The following CFAP299 variants were observed in gnomAD, a reference collection of about 807,000 sequenced individuals.
The protein encoded by CFAP299 is cilia and flagella associated protein 299.
In CFAP299, 21 loss-of-function variants were observed where a neutral mutation model predicts 27.0. That is an observed-to-expected ratio of 0.78 (90% CI 0.55 to 1.12). The LOEUF (loss-of-function observed/expected upper bound fraction) is 1.12. CFAP299 is among the 50% of genes most tolerant of loss of function. The probability of loss-of-function intolerance (pLI) is 0.00; values close to 1 mark genes in which losing one functional copy is unlikely to be tolerated. For synonymous variants in CFAP299, 104 were observed against 98.1 expected (o/e 1.06, Z -0.36); for missense variants, 310 against 276.6 (o/e 1.12, Z -0.86).
chr4:80,560,201 C>A (rs1256192237), intron 2 of CFAP299, among the ~76,000 whole-genome samples: 1 of 152,046 alleles, frequency 6.6e-6, no homozygotes, highest in Non-Finnish European at 1.5e-5. Context: ...AACTTCTAGA[C>A]ACACCCTGGG....
intron 2 of CFAP299, among the ~76,000 whole-genome samples, chr4:80,529,131 T>C (rs2110184810): frequency 6.6e-6 from 1 of 152,280 alleles, no homozygotes; most frequent in East Asian, 1.9e-4. Context: ...TGTGATATGA[T>C]AGCAGCTTTC....
intron 2 of CFAP299, among the ~76,000 whole-genome samples, chr4:80,495,417 A>G (rs1731384648): frequency 6.6e-6 from 1 of 152,170 alleles, no homozygotes; most frequent in Admixed American, 6.5e-5. Context: ...GTAAAAAAAG[A>G]ATTATATGTA....
intron 3 of CFAP299, among the ~76,000 whole-genome samples, chr4:80,664,402 A>T (rs912535980): frequency 6.6e-6 from 1 of 152,004 alleles, no homozygotes; most frequent in Non-Finnish European, 1.5e-5. Context: ...TAAGCCCATG[A>T]CTGGGGTTGC....
At chr4:80,418,065 A>C (rs964222119) in intron 2 of CFAP299, among the ~76,000 whole-genome samples, 23 of 152,218 alleles carry the variant, frequency 1.5e-4, no homozygotes, top group Non-Finnish European at 1.6e-4. Flanking sequence ...ATAGCAGCAT[A>C]AGTGGACAAA....
At position 80,663,737 on chromosome 4, in the gene CFAP299, G is replaced by T. The variant is rs1247618156; in HGVS notation, c.333+80554G>T. 3.9e-5 allele frequency among the ~76,000 whole-genome samples: 6 copies of T among 152,050 alleles called. No individual in the cohort carries two copies. The East Asian group carries it at 7.7e-4, about 20-fold the overall frequency. ...CTGTCTTCCACAATGGTTGAACTAAGGTACACTCCCACCAACAGTGTAAAA... is the reference window on the plus strand; with the variant it reads ...CTGTCTTCCACAATGGTTGAACTAATGTACACTCCCACCAACAGTGTAAAA... On this transcript the variant is annotated intron_variant, in intron 3 of 5. Transcript: ENST00000358105.
intron 2 of CFAP299, among the ~76,000 whole-genome samples, chr4:80,553,002 T>A (rs779259766): frequency 3.3e-5 from 5 of 152,144 alleles, no homozygotes; most frequent in Non-Finnish European, 4.4e-5. Context: ...GGTTTATTTT[T>A]TTTTTTTAAA....
chr4:80,376,707 T>G (rs76241740), intron 2 of CFAP299, among the ~76,000 whole-genome samples: 1,907 of 152,302 alleles, frequency 0.013, 38 homozygotes, highest in African/African-American at 0.041. Flanking sequence ...CAGGTGACAA[T>G]GCAATGGCAT....
intron 4 of CFAP299, among the ~76,000 whole-genome samples, chr4:80,936,350 G>A (rs1736888502): frequency 6.6e-6 from 1 of 152,026 alleles, no homozygotes; most frequent in African/African-American, 2.4e-5. Flanking sequence ...GTTCATTGCA[G>A]CACTATTCAC....
intron 2 of CFAP299, among the ~76,000 whole-genome samples, chr4:80,578,121 A>T (rs1735965405): frequency 6.6e-6 from 1 of 152,212 alleles, no homozygotes; most frequent in Non-Finnish European, 1.5e-5. Context: ...TGGAGTATGA[A>T]CAATAAAGAT....
At chr4:80,505,734 T>C (rs533808170) in intron 2 of CFAP299, among the ~76,000 whole-genome samples, 2 of 152,104 alleles carry the variant, frequency 1.3e-5, no homozygotes, top group African/African-American at 4.8e-5. Context: ...TAGTATATAA[T>C]GAAGAATTTT....
chr4:80,413,913 AT>A (rs1374705383), intron 2 of CFAP299, among the ~76,000 whole-genome samples: 1 of 151,932 alleles, frequency 6.6e-6, no homozygotes, highest in Non-Finnish European at 1.5e-5. Flanking sequence ...AAAAAATGTG[AT>A]TGACCCAGTT....
chr4:80,569,365 T>C (rs2110232376), intron 2 of CFAP299, among the ~76,000 whole-genome samples: 1 of 152,258 alleles, frequency 6.6e-6, no homozygotes, highest in East Asian at 1.9e-4. Context: ...ATTACTATAT[T>C]TCTTTATAAA....
At chr4:80,651,994 C>G (rs187700825) in intron 3 of CFAP299, among the ~76,000 whole-genome samples, 224 of 152,204 alleles carry the variant, frequency 1.5e-3, no homozygotes, top group Middle Eastern at 6.8e-3. Context: ...TGGACATACT[C>G]TACTCAAAAT....
At chr4:80,478,803 G>A (rs571043673) in intron 2 of CFAP299, among the ~76,000 whole-genome samples, 2 of 149,934 alleles carry the variant, frequency 1.3e-5, no homozygotes, top group South Asian at 4.2e-4. Context: ...TTTTTTTAAA[G>A]TCGTATTTGG....
intron 3 of CFAP299, among the ~76,000 whole-genome samples, chr4:80,673,556 G>T (rs1199081674): frequency 1.3e-5 from 2 of 152,126 alleles, no homozygotes; most frequent in African/African-American, 4.8e-5. Context: ...TTCAAGTCTG[G>T]ATATCCTTAT....
intron 2 of CFAP299, among the ~76,000 whole-genome samples, chr4:80,531,834 A>G (rs1733486083): frequency 6.7e-6 from 1 of 149,616 alleles, no homozygotes; most frequent in African/African-American, 2.5e-5. Context: ...GCTCACTGCA[A>G]CCTCTGTCCC....
At chr4:80,720,503 A>G (rs895057364) in intron 3 of CFAP299, among the ~76,000 whole-genome samples, 2 of 152,156 alleles carry the variant, frequency 1.3e-5, no homozygotes, top group Non-Finnish European at 2.9e-5. Flanking sequence ...TAATTTTACC[A>G]TGTCCTTTTA....
intron 4 of CFAP299, among the ~76,000 whole-genome samples, chr4:80,911,820 A>C (rs979167114): frequency 2.7e-4 from 41 of 152,184 alleles, no homozygotes; most frequent in African/African-American, 9.6e-4. Context: ...CTTGTTTTAC[A>C]TTCAAGAAAT....
chr4:80,386,993 A>T, intron 2 of CFAP299: 1 of 1,109,070 alleles, frequency 9.0e-7, no homozygotes, highest in Non-Finnish European at 1.4e-6. Context: ...ACCTGCCCCC[A>T]CTGCGGTGGG....
Sources: allele counts gnomAD v4.1 joint callset (sites outside exome capture counted in the v4.1 genomes callset), GRCh38; gene constraint gnomAD v4.1.1; transcripts MANE v1.5; gene names NCBI Gene and HGNC (gene_info 2026-07-23, HGNC 2026-07-21).